CAPZA2: variants seen among roughly 807,000 people sequenced by gnomAD.
CAPZA2 encodes the protein capping actin protein of muscle Z-line subunit alpha 2.
Under a neutral mutation model 44.0 loss-of-function variants are expected in CAPZA2, and 13 were observed. The ratio of observed to expected loss-of-function variants is 0.30; its 90% CI spans 0.19 to 0.47. The LOEUF is 0.47. Ranked by LOEUF, CAPZA2 falls within the 20% of genes least tolerant of loss-of-function variation. The pLI is 1.00. For synonymous variants in CAPZA2, 94 were observed against 108.2 expected (o/e 0.87, Z 0.81); for missense variants, 244 against 338.6 (o/e 0.72, Z 2.19).
At chr7:116,880,734 T>TTTTG (rs1796686279) in intron 1 of CAPZA2, among the ~76,000 whole-genome samples, 1 of 107,228 alleles carries the variant, frequency 9.3e-6, no homozygotes, top group African/African-American at 3.7e-5. Flanking sequence ...TTTTTTTTTT[T>TTTTG]GAGACAGTCT....
In CAPZA2 at chr7:116,898,665, G is replaced by C. The variant is rs1025547055; in HGVS notation, c.156-107G>C. 7 of 586,640 alleles carry C rather than the reference G, an allele frequency of 1.2e-5. No homozygotes were observed. The African/African-American group carries it at 1.3e-4, about 11-fold the overall frequency. The allele number at this position is 586,640 out of a possible 1,614,324, so 36.3% of individuals were successfully genotyped here. Reference sequence around the variant, plus strand: ...GAATTACAATTTTATTTATTTTGCAGTGTGCAATGTAGGAGGAGACTTTAT... The same window carrying C: ...GAATTACAATTTTATTTATTTTGCACTGTGCAATGTAGGAGGAGACTTTAT... On this transcript the variant is annotated intron_variant, in intron 3 of 9. Transcript: ENST00000361183.
At chr7:116,908,595 G>A (rs1174497925) in intron 6 of CAPZA2, among the ~76,000 whole-genome samples, 1 of 152,038 alleles carries the variant, frequency 6.6e-6, no homozygotes, top group African/African-American at 2.4e-5. Context: ...AGAATCTTTT[G>A]AAATAGTTCT....
chr7:116,863,778 C>T (rs1276283888), intron 1 of CAPZA2, among the ~76,000 whole-genome samples: 1 of 151,952 alleles, frequency 6.6e-6, no homozygotes, highest in African/African-American at 2.4e-5. Flanking sequence ...AATACAGGTA[C>T]ATTTAGGTAT....
intron 4 of CAPZA2, among the ~76,000 whole-genome samples, chr7:116,901,881 A>ATATATG (rs375500363): frequency 7.1e-6 from 1 of 140,820 alleles, no homozygotes; most frequent in African/African-American, 2.6e-5. Flanking sequence ...TAACGAAGAA[A>ATATATG]TGTGTGTGTG....
intron 2 of CAPZA2, among the ~76,000 whole-genome samples, chr7:116,892,738 T>C (rs1386983612): frequency 6.6e-6 from 1 of 152,206 alleles, no homozygotes; most frequent in Non-Finnish European, 1.5e-5. Context: ...GCTTGGATTT[T>C]AGTCTGCCTG....
chr7:116,911,948 C>G, intron 7 of CAPZA2, 121 bp from the exon 8 acceptor site: 1 of 1,504,886 alleles, frequency 6.6e-7, no homozygotes, highest in Non-Finnish European at 8.9e-7. Context: ...TTTTGGGGCT[C>G]AGCAGAGAAG....
At chr7:116,868,689 G>A (rs183039075) in intron 1 of CAPZA2, among the ~76,000 whole-genome samples, 184 of 152,234 alleles carry the variant, frequency 1.2e-3, no homozygotes, top group African/African-American at 4.1e-3. Context: ...AGCGGTGATC[G>A]CACCACTGCA....
chr7:116,905,659 G>T (rs1016796428), intron 5 of CAPZA2, among the ~76,000 whole-genome samples: 1 of 152,122 alleles, frequency 6.6e-6, no homozygotes, highest in African/African-American at 2.4e-5. Flanking sequence ...GATTATTTTG[G>T]AGGAATAACG....
At position 116,898,822 on chromosome 7, in the gene CAPZA2, G is replaced by A. The variant is rs763308559; in HGVS notation, c.206G>A (p.Gly69Asp). 2 of 1,588,880 alleles carry A rather than the reference G, an allele frequency of 1.3e-6. No homozygotes were observed. Among genetic ancestry groups the A allele is most frequent in the Non-Finnish European group, 8.6e-7 (1 of 1,160,262 alleles). ...LDQFTPVKIE[G>D]YEDQVLITEH... ...CAGTTTACTCCAGTAAAAATTGAAGGTTATGAAGATCAGGTATGTTTCATA... is the reference window on the plus strand; with the variant it reads ...CAGTTTACTCCAGTAAAAATTGAAGATTATGAAGATCAGGTATGTTTCATA... The change falls in exon 4 of 10, where the codon GGT (glycine) becomes GAT (aspartate). Residue 69 changes from glycine (G) to aspartate (D), a missense_variant. By Grantham distance (94) the Gly-to-Asp change is moderately conservative. Transcript: ENST00000361183.
chr7:116,895,966 C>T (rs761119155), intron 3 of CAPZA2, among the ~76,000 whole-genome samples: 16 of 152,056 alleles, frequency 1.1e-4, no homozygotes, highest in Non-Finnish European at 1.6e-4. Flanking sequence ...TCCAAAACTA[C>T]GTAACAAAAG....
intron 5 of CAPZA2, among the ~76,000 whole-genome samples, chr7:116,905,074 G>A (rs1791473445): frequency 6.7e-6 from 1 of 150,146 alleles, no homozygotes; most frequent in Non-Finnish European, 1.5e-5. Context: ...AGGAGGCAGA[G>A]GTTGCAGTGA....
At chr7:116,912,274 C>A in intron 8 of CAPZA2, 134 bp downstream of exon 8, 2 of 1,355,926 alleles carry the variant, frequency 1.5e-6, no homozygotes, top group Admixed American at 2.8e-5. Flanking sequence ...TAAGTAATTG[C>A]AAACCTGTAC....
intron 1 of CAPZA2, among the ~76,000 whole-genome samples, chr7:116,865,838 C>A (rs1462861200): frequency 6.6e-6 from 1 of 152,140 alleles, no homozygotes; most frequent in Non-Finnish European, 1.5e-5. Context: ...ACTTGGGCAT[C>A]CTAAAGTGCT....
At chr7:116,914,796 G>C (rs1791657635) in intron 8 of CAPZA2, among the ~76,000 whole-genome samples, 1 of 152,128 alleles carries the variant, frequency 6.6e-6, no homozygotes, top group Non-Finnish European at 1.5e-5. Flanking sequence ...CTAGCACTTA[G>C]GTGATTTCTG....
intron 1 of CAPZA2, chr7:116,886,064 A>G (rs1585006155): frequency 6.5e-6 from 1 of 154,798 alleles, no homozygotes; most frequent in Non-Finnish European, 1.5e-5. Flanking sequence ...AGCAGAATCT[A>G]TGATTGATGT....
At chr7:116,872,157 A>G (rs1292595034) in intron 1 of CAPZA2, among the ~76,000 whole-genome samples, 4 of 152,222 alleles carry the variant, frequency 2.6e-5, no homozygotes, top group Admixed American at 2.6e-4. Context: ...TAGTGAAACA[A>G]AAGAGAAAAA....
chr7:116,881,514 C>T (rs374163553), intron 1 of CAPZA2, among the ~76,000 whole-genome samples: 39 of 152,022 alleles, frequency 2.6e-4, no homozygotes, highest in East Asian at 9.7e-4. Flanking sequence ...CCAAGGTGGG[C>T]GGATCACGAG....
At chr7:116,912,935 T>C (rs1183176791) in intron 8 of CAPZA2, among the ~76,000 whole-genome samples, 1 of 152,226 alleles carries the variant, frequency 6.6e-6, no homozygotes, top group African/African-American at 2.4e-5. Context: ...AGTTTTTCTG[T>C]ATCTTTTTCC....
At chr7:116,912,048 T>C in intron 7 of CAPZA2, 21 bp from the exon 8 acceptor site, 1 of 1,610,886 alleles carries the variant, frequency 6.2e-7, no homozygotes, top group Non-Finnish European at 8.5e-7. Flanking sequence ...ATGTGGTTTC[T>C]GTAATTTCTT....
Sources: allele counts gnomAD v4.1 joint callset (sites outside exome capture counted in the v4.1 genomes callset), GRCh38; gene constraint gnomAD v4.1.1; transcripts MANE v1.5; gene names NCBI Gene and HGNC (gene_info 2026-07-23, HGNC 2026-07-21).